KLHL1: variants seen among roughly 807,000 people sequenced by gnomAD.
KLHL1 encodes kelch like family member 1.
Under a neutral mutation model 77.7 loss-of-function variants are expected in KLHL1, and 47 were observed. The observed-to-expected ratio is 0.60, with a 90% CI of 0.48 to 0.77. The LOEUF is 0.77. Among genes scored for constraint, KLHL1 ranks in the 30% least tolerant of loss-of-function variants. The pLI is 0.00. For missense variants in KLHL1, 925 were observed against 910.8 expected (o/e 1.02, Z -0.20); for synonymous variants, 360 against 325.2 (o/e 1.11, Z -1.15).
chr13:69,766,324 A>G (rs1186313055), intron 7 of KLHL1, among the ~76,000 whole-genome samples: 1 of 152,100 alleles, frequency 6.6e-6, no homozygotes, highest in Non-Finnish European at 1.5e-5. Flanking sequence ...TGTTTCAAAT[A>G]TGCAAATGTT....
At chr13:69,761,295 C>T (rs1008212509) in intron 7 of KLHL1, among the ~76,000 whole-genome samples, 1 of 152,142 alleles carries the variant, frequency 6.6e-6, no homozygotes, top group Non-Finnish European at 1.5e-5. Context: ...GGATTGGTTA[C>T]AGGTCAGCAT....
intron 7 of KLHL1, among the ~76,000 whole-genome samples, chr13:69,764,899 C>T (rs1424743453): frequency 1.5e-5 from 2 of 131,178 alleles, no homozygotes; most frequent in African/African-American, 5.6e-5. Flanking sequence ...TACCTTTTCT[C>T]CTTTTCTCAT....
rs145411717 is a variant in KLHL1 at position 70,052,143 on chromosome 13, A to G, written c.497+55060T>C. ...AGAATCCAAACTCCTGGTAAGCAGC[A>G]CAAATTCTGATGCACAGAAATTGTT... On this transcript the variant is annotated intron_variant, in intron 1 of 10. Coordinates refer to ENST00000377844, the MANE Select transcript of KLHL1 (RefSeq NM_020866.3). Among the ~76,000 whole-genome samples the G allele has an allele frequency of 1.3e-3, 201 of 152,042 alleles. 1 individual carries two copies. The highest frequency in any genetic ancestry group is 4.7e-3 in the African/African-American group (197 of 41,540).
At chr13:69,828,521 C>T (rs1878634954) in intron 6 of KLHL1, among the ~76,000 whole-genome samples, 1 of 149,954 alleles carries the variant, frequency 6.7e-6, no homozygotes, top group Non-Finnish European at 1.5e-5. Flanking sequence ...GACTGAACAC[C>T]AGTATTCCTG....
chr13:70,024,620 TTCTCTCTC>T (rs5804459), intron 1 of KLHL1, among the ~76,000 whole-genome samples: 9,926 of 130,342 alleles, frequency 0.076, 404 homozygotes, highest in South Asian at 0.1. Flanking sequence ...GAGAAAAGAT[TTCTCTCTC>T]TCTCTCTCTC....
rs545328318 is a variant in KLHL1 at position 69,838,906 on chromosome 13, C to G, written c.1414+70G>C. 3.8e-5 allele frequency: 38 copies of G among 989,686 alleles called. No homozygotes were observed. The African/African-American group carries it at 5.8e-4, about 15-fold the overall frequency. The allele number at this position is 989,686 out of a possible 1,614,324, so 61.3% of individuals were successfully genotyped here. A position where few individuals can be genotyped will look rare whatever the true frequency, so the allele number is the denominator to read the frequency against. On this transcript the variant is annotated intron_variant, in intron 6 of 10. Transcript: ENST00000377844. ...TTTATGTCATTTTTTGTAGTATCAC[C>G]ATTACAATATAAAAGCTGCAACACG...
intron 7 of KLHL1, among the ~76,000 whole-genome samples, chr13:69,744,885 A>G (rs1874140687): frequency 6.6e-6 from 1 of 151,976 alleles, no homozygotes; most frequent in Non-Finnish European, 1.5e-5. Context: ...TGTTGATGAA[A>G]ATTTGCATGG....
chr13:70,068,913 A>C (rs1377117890), intron 1 of KLHL1, among the ~76,000 whole-genome samples: 2 of 152,176 alleles, frequency 1.3e-5, no homozygotes, highest in African/African-American at 4.8e-5. Flanking sequence ...CAAGGTTCTT[A>C]CTGTGAAGAT....
rs373593125 is a variant in KLHL1 at position 70,039,573 on chromosome 13, T to C, written c.498-63771A>G. 2.6e-4 allele frequency among the ~76,000 whole-genome samples: 40 copies of C among 151,388 alleles called. No individual in the cohort carries two copies. In the South Asian group the frequency reaches 8.4e-3, roughly 32 times the overall value. ...AAAGATTTATTGCCATTTTATTTAG[T>C]TTTTTTTTCTCTGATTTTTATTTCT... On this transcript the variant is annotated intron_variant, in intron 1 of 10. Transcript: ENST00000377844.
intron 4 of KLHL1, among the ~76,000 whole-genome samples, chr13:69,920,788 A>C (rs1882606805): frequency 6.6e-6 from 1 of 152,176 alleles, no homozygotes; most frequent in Admixed American, 6.5e-5. Flanking sequence ...GAAGGTCAGC[A>C]AAAATATGTG....
At chr13:69,942,166 A>G (rs1883384445) in intron 3 of KLHL1, among the ~76,000 whole-genome samples, 1 of 151,888 alleles carries the variant, frequency 6.6e-6, no homozygotes, top group Non-Finnish European at 1.5e-5. Context: ...TTTCATTTAT[A>G]TTTTCATTTA....
chr13:69,897,982 C>A (rs920444712), intron 4 of KLHL1, among the ~76,000 whole-genome samples: 14 of 152,156 alleles, frequency 9.2e-5, no homozygotes, highest in Admixed American at 4.6e-4. Flanking sequence ...AATTCCTCAC[C>A]ATGGAAAAAG....
chr13:69,846,584 C>G (rs1274255594), intron 5 of KLHL1, among the ~76,000 whole-genome samples: 1 of 151,156 alleles, frequency 6.6e-6, no homozygotes, highest in East Asian at 1.9e-4. Context: ...GTTCTATTGG[C>G]TTTATTAACA....
At chr13:69,860,372 G>GA (rs1275072110) in intron 5 of KLHL1, among the ~76,000 whole-genome samples, 1 of 151,862 alleles carries the variant, frequency 6.6e-6, no homozygotes, top group East Asian at 1.9e-4. Flanking sequence ...AAGATTCTCA[G>GA]AAAAAAGAGA....
At chr13:69,744,941 C>A (rs948658952) in intron 7 of KLHL1, among the ~76,000 whole-genome samples, 1 of 151,920 alleles carries the variant, frequency 6.6e-6, no homozygotes, top group South Asian at 2.1e-4. Flanking sequence ...TGTACACTTT[C>A]TTGATGTACA....
At chr13:69,735,792 T>C (rs1028187133) in intron 8 of KLHL1, among the ~76,000 whole-genome samples, 1 of 151,840 alleles carries the variant, frequency 6.6e-6, no homozygotes, top group South Asian at 2.1e-4. Context: ...GGGAAAATTC[T>C]GAAGGGATGT....
Position 69,937,846 on chromosome 13 carries a change from C to G in KLHL1, c.1014+2194G>C, listed in dbSNP as rs73510162. Reference sequence around the variant, plus strand: ...GATAGCAAATTAAAGTCTGGGTAGACCAGACCTTTGGTCTTTGAAGATCAA... The same window carrying G: ...GATAGCAAATTAAAGTCTGGGTAGAGCAGACCTTTGGTCTTTGAAGATCAA... On this transcript the variant is annotated intron_variant, in intron 4 of 10. Coordinates refer to ENST00000377844, the MANE Select transcript of KLHL1 (RefSeq NM_020866.3). 6.6e-3 allele frequency among the ~76,000 whole-genome samples: 1,006 copies of G among 152,206 alleles called. 12 individuals carry two copies. Among genetic ancestry groups the G allele is most frequent in the African/African-American group, 0.023 (974 of 41,538 alleles).
intron 5 of KLHL1, among the ~76,000 whole-genome samples, chr13:69,861,797 A>C (rs1045612588): frequency 9.5e-5 from 14 of 148,066 alleles, no homozygotes; most frequent in African/African-American, 3.2e-4. Context: ...AAAAAAAAAA[A>C]AAAAAAAAAA....
At chr13:69,792,473 A>G (rs1876913618) in intron 7 of KLHL1, among the ~76,000 whole-genome samples, 1 of 152,208 alleles carries the variant, frequency 6.6e-6, no homozygotes, top group Non-Finnish European at 1.5e-5. Context: ...TGGTGCAGCC[A>G]CTTTGGAAAA....
Sources: gnomAD v4.1 joint callset for allele counts (sites outside exome capture counted in the v4.1 genomes callset) on GRCh38, gnomAD v4.1.1 for gene constraint, MANE v1.5 for transcripts, NCBI Gene and HGNC (gene_info 2026-07-23, HGNC 2026-07-21) for gene names.